The following PDE1B variants were observed in gnomAD, a reference collection of about 807,000 sequenced individuals.
PDE1B encodes phosphodiesterase 1B.
Under a neutral mutation model 66.7 loss-of-function variants are expected in PDE1B, and 13 were observed. That is an observed-to-expected ratio of 0.19 (90% CI 0.13 to 0.31). The LOEUF (loss-of-function observed/expected upper bound fraction) is 0.31, where lower values mean the gene tolerates loss of function less well. PDE1B is among the 10% of genes least tolerant of loss of function. The pLI, the probability that PDE1B is intolerant of heterozygous loss-of-function variation, is 1.00. For missense variants in PDE1B, 485 were observed against 682.3 expected, an observed-to-expected ratio of 0.71 and a Z score of 3.22; for synonymous variants, 230 against 253.9, an observed-to-expected ratio of 0.91 and a Z score of 0.90.
At position 54,561,611 on chromosome 12, in the gene PDE1B, G is replaced by A. The variant is rs759693485; in HGVS notation, c.114-5363G>A. 3.3e-6 allele frequency: 5 copies of A among 1,533,366 alleles called. No individual in the cohort carries two copies. In the African/African-American group the frequency reaches 4.1e-5, roughly 13 times the overall value. 95.0% of individuals were successfully genotyped at this position (1,533,366 alleles called of 1,614,324 possible). A position where few individuals can be genotyped will look rare whatever the true frequency, so the allele number is the denominator to read the frequency against. On this transcript the variant is annotated intron_variant, in intron 2 of 15. Coordinates refer to ENST00000243052, the MANE Select transcript of PDE1B (RefSeq NM_000924.4). ...TGGCAAACCCTGTTCCTGTTCAGAGGAGCCACCTCCAGGGCCCCATTCTCA... is the reference window on the plus strand; with the variant it reads ...TGGCAAACCCTGTTCCTGTTCAGAGAAGCCACCTCCAGGGCCCCATTCTCA...
rs937933368 is a variant in PDE1B, at chr12:54,573,005, C to G, written c.736-143C>G. On this transcript the variant is annotated intron_variant, in intron 7 of 15. Coordinates refer to ENST00000243052, the MANE Select transcript of PDE1B (RefSeq NM_000924.4). This position sits in a 1 kb window ranked among gnomAD's most constrained non-coding sequence, Gnocchi z 5.2. The stretch of plus-strand genomic sequence containing the variant: ...GGAAGGTCCTTGGCCATTTCAGGAG[C>G]TGAGAAACCTGGCTGCATTAACCAA... 4.8e-5 allele frequency: 34 copies of G among 705,224 alleles called. No individual in the cohort carries two copies. The highest frequency in any genetic ancestry group is 7.3e-5 in the Non-Finnish European group (30 of 408,606). 43.7% of individuals were successfully genotyped at this position (705,224 alleles called of 1,614,324 possible). A position where few individuals can be genotyped will look rare whatever the true frequency, so the allele number is the denominator to read the frequency against.
At chr12:54,556,231 A>G (rs1310513828) in intron 2 of PDE1B, among the ~76,000 whole-genome samples, 3 of 152,142 alleles carry the variant, frequency 2.0e-5, no homozygotes, top group Non-Finnish European at 4.4e-5. Flanking sequence ...TGGAAGTGAG[A>G]CAACTGGGGA....
chr12:54,553,388 C>T (rs1248767253), intron 2 of PDE1B, among the ~76,000 whole-genome samples: 2 of 152,194 alleles, frequency 1.3e-5, no homozygotes, highest in African/African-American at 2.4e-5. Context: ...GTCCCTTTCT[C>T]TTTTTCTTTC....
intron 2 of PDE1B, among the ~76,000 whole-genome samples, chr12:54,560,437 C>T (rs1957390274): frequency 1.3e-5 from 2 of 152,190 alleles, no homozygotes; most frequent in Admixed American, 1.3e-4. Flanking sequence ...CAGCCATAGA[C>T]CTACATCTAA....
intron 2 of PDE1B, among the ~76,000 whole-genome samples, chr12:54,550,511 A>G (rs7960002): frequency 0.86 from 130,467 of 152,140 alleles, 56,090 homozygotes; most frequent in Middle Eastern, 0.92. Context: ...CATGCACAGG[A>G]AGTGGGGTGG....
rs1157583497 is a variant in PDE1B, at chr12:54,569,294, G to C, written c.338G>C (p.Gly113Ala). The C allele has an allele frequency of 1.9e-6, 3 of 1,613,932 alleles. No homozygotes were observed. The Admixed American group carries it at 5.0e-5, about 27-fold the overall frequency. The change falls in exon 4 of 16, where the codon GGC becomes GCC. Residue 113 changes from glycine (G) to alanine (A), a missense_variant. Physicochemically the swap from Gly to Ala is moderately conservative, Grantham distance 60 (BLOSUM62 0). Coordinates refer to ENST00000243052, the MANE Select transcript of PDE1B (RefSeq NM_000924.4). The surrounding 1 kb of genome is among the most constrained non-coding windows in gnomAD (Gnocchi z 4.4). ...STFTQQARAKGRRAEEKPKFR... is the reference protein window; with the variant it reads ...STFTQQARAKARRAEEKPKFR... ...TTCACCCAGCAGGCCCGGGCCAAAG[G>C]CCGCCGAGCAGAGGAGAAGCCCAAG...
intron 2 of PDE1B, chr12:54,561,513 G>T: frequency 7.0e-7 from 1 of 1,423,258 alleles, no homozygotes; most frequent in Non-Finnish European, 9.2e-7. Context: ...AGAGGAAGTT[G>T]TCCCCTCTTG....
chr12:54,566,306 T>C (rs1957514903), intron 2 of PDE1B, among the ~76,000 whole-genome samples: 1 of 152,176 alleles, frequency 6.6e-6, no homozygotes, highest in Admixed American at 6.5e-5. Flanking sequence ...TTCTCTCTGG[T>C]GTAAGACTGG....
chr12:54,567,204 G>C, intron 3 of PDE1B, 117 bp downstream of exon 3: 1 of 561,832 alleles, frequency 1.8e-6, no homozygotes, highest in Non-Finnish European at 3.2e-6. Flanking sequence ...GAAAGAGAGA[G>C]GGTGGACCAG....
chr12:54,554,452 T>A (rs1957318927), intron 2 of PDE1B: 1 of 152,238 alleles, frequency 6.6e-6, no homozygotes, highest in South Asian at 2.1e-4. Flanking sequence ...GCAAAGGGAA[T>A]CTCTTCTCCC....
chr12:54,573,730 G>C lies in PDE1B; in HGVS notation c.1064+21G>C. On this transcript the variant is annotated intron_variant, in intron 10 of 15. Transcript: ENST00000243052. This position sits in a 1 kb window ranked among gnomAD's most constrained non-coding sequence, Gnocchi z 5.2. The stretch of plus-strand genomic sequence containing the variant: ...GAGAGGTGGCATCTGGTGGGGTGTG[G>C]CTGGGGCCAGGCCAGAGGGAGGGGT... 6.3e-7 allele frequency: 1 copy of C among 1,583,196 alleles called. No homozygotes were observed. The highest frequency in any genetic ancestry group is 8.7e-7 in the Non-Finnish European group (1 of 1,152,228).
chr12:54,550,276 A>T (rs1188986551), intron 2 of PDE1B: 1 of 1,248,670 alleles, frequency 8.0e-7, no homozygotes, highest in East Asian at 3.6e-5. Context: ...CAGTATATGC[A>T]GTGTGGCAGG....
chr12:54,571,287 T>C (rs1328882654), intron 6 of PDE1B: 2 of 152,420 alleles, frequency 1.3e-5, no homozygotes, highest in East Asian at 3.9e-4. Context: ...TTCCAAAACT[T>C]TCCTGAGATG....
At position 54,561,466 on chromosome 12, in the gene PDE1B, G is replaced by A. The variant is rs1957409148; in HGVS notation, c.114-5508G>A. 11 of 1,353,006 alleles carry A rather than the reference G, an allele frequency of 8.1e-6. No homozygotes were observed. The South Asian group carries it at 8.9e-5, about 11-fold the overall frequency. 83.8% of individuals were successfully genotyped at this position (1,353,006 alleles called of 1,614,324 possible). A position where few individuals can be genotyped will look rare whatever the true frequency, so the allele number is the denominator to read the frequency against. ...AAAGTTCTCTCTGGTCAGTTGCTCA[G>A]TTCTACTGGGACCTGGAGGAGGAAG... On this transcript the variant is annotated intron_variant, in intron 2 of 15. Transcript: ENST00000243052.
intron 2 of PDE1B, among the ~76,000 whole-genome samples, chr12:54,560,172 C>T (rs767293107): frequency 7.2e-5 from 11 of 152,198 alleles, no homozygotes; most frequent in Non-Finnish European, 1.6e-4. Context: ...TTGTTGAGAT[C>T]GAAGCCCACT....
At chr12:54,559,015 C>T (rs1208584791) in intron 2 of PDE1B, among the ~76,000 whole-genome samples, 2 of 152,136 alleles carry the variant, frequency 1.3e-5, no homozygotes, top group Admixed American at 6.5e-5. Flanking sequence ...CAAGGTCACA[C>T]ATAGTAATAA....
Position 54,556,523 on chromosome 12 carries a change from C to T in PDE1B, c.113+6538C>T, listed in dbSNP as rs908874740. Among the ~76,000 whole-genome samples the T allele has an allele frequency of 3.3e-5, 5 of 152,302 alleles. No individual in the cohort carries two copies. The East Asian group carries it at 5.8e-4, about 18-fold the overall frequency. ...CTGGGGTTGCATCTATGGAGCTTAT[C>T]GCTGTCTGAGAAGAAAACACCAGGT... On this transcript the variant is annotated intron_variant, in intron 2 of 15. Coordinates refer to ENST00000243052, the MANE Select transcript of PDE1B (RefSeq NM_000924.4).
chr12:54,573,722 G>T lies in PDE1B; in HGVS notation c.1064+13G>T. ...AACAGCTGGAGAGGTGGCATCTGGT[G>T]GGGTGTGGCTGGGGCCAGGCCAGAG... On this transcript the variant is annotated intron_variant, in intron 10 of 15. Coordinates refer to ENST00000243052, the MANE Select transcript of PDE1B (RefSeq NM_000924.4). The surrounding 1 kb of genome is among the most constrained non-coding windows in gnomAD (Gnocchi z 5.2). 6.2e-7 allele frequency: 1 copy of T among 1,605,262 alleles called. No homozygotes were observed. The highest frequency in any genetic ancestry group is 1.1e-5 in the South Asian group (1 of 90,912).
In PDE1B at chr12:54,573,752, G is replaced by C. The variant is rs1166296681; in HGVS notation, c.1064+43G>C. On this transcript the variant is annotated intron_variant, in intron 10 of 15. Transcript: ENST00000243052. This position sits in a 1 kb window ranked among gnomAD's most constrained non-coding sequence, Gnocchi z 5.2. ...GTGGCTGGGGCCAGGCCAGAGGGAG[G>C]GGTGTGTGAACTGGGGGGGTATACA... 6.9e-7 allele frequency: 1 copy of C among 1,459,544 alleles called. No individual in the cohort carries two copies. The highest frequency in any genetic ancestry group is 9.6e-7 in the Non-Finnish European group (1 of 1,040,450). 90.4% of individuals were successfully genotyped at this position (1,459,544 alleles called of 1,614,324 possible). A position where few individuals can be genotyped will look rare whatever the true frequency, so the allele number is the denominator to read the frequency against.
Sources: allele counts gnomAD v4.1 joint callset (sites outside exome capture counted in the v4.1 genomes callset), GRCh38; gene constraint gnomAD v4.1.1; non-coding constraint Gnocchi (gnomAD v3.1); transcripts MANE v1.5; gene names NCBI Gene and HGNC (gene_info 2026-07-23, HGNC 2026-07-21).